Variants in TNKS observed in about 807,000 individuals in gnomAD.
TNKS encodes the protein tankyrase, also known as poly [ADP-ribose] polymerase tankyrase-1.
In TNKS, 72 loss-of-function variants were observed where a neutral mutation model predicts 135.8. The observed-to-expected ratio is 0.53, with a 90% CI of 0.44 to 0.64. The LOEUF (loss-of-function observed/expected upper bound fraction) is 0.64. Ranked by LOEUF, TNKS falls within the 30% of genes least tolerant of loss-of-function variation. The pLI is 0.00. For synonymous variants in TNKS, 849 were observed against 649.3 expected (o/e 1.31, Z -4.68); for missense variants, 1,769 against 1,674.0 (o/e 1.06, Z -0.99).
At chr8:9,683,972 A>AT (rs764309211) in intron 5 of TNKS, among the ~76,000 whole-genome samples, 11 of 151,444 alleles carry the variant, frequency 7.3e-5, no homozygotes, top group East Asian at 1.9e-4. Flanking sequence ...TAAAAGCAGA[A>AT]TTTTTTTTTG....
chr8:9,735,623 A>G (rs904119534), intron 17 of TNKS, 137 bp downstream of exon 17: 5 of 650,896 alleles, frequency 7.7e-6, no homozygotes, highest in East Asian at 5.4e-5. Context: ...ACACGGTGAA[A>G]CCCCGTCTCT....
chr8:9,651,187 G>A (rs954877667), intron 3 of TNKS, among the ~76,000 whole-genome samples: 4 of 152,088 alleles, frequency 2.6e-5, no homozygotes, highest in Non-Finnish European at 4.4e-5. Flanking sequence ...TTTATTTGGA[G>A]TAGTACAAAA....
chr8:9,741,568 A>G (rs1256131095), intron 17 of TNKS: 2 of 293,474 alleles, frequency 6.8e-6, no homozygotes, highest in Non-Finnish European at 1.6e-5. Context: ...GTTCTACTGC[A>G]TTAGTCTTCA....
intron 2 of TNKS, among the ~76,000 whole-genome samples, chr8:9,603,607 C>G (rs1799104207): frequency 6.6e-6 from 1 of 152,154 alleles, no homozygotes; most frequent in South Asian, 2.1e-4. Flanking sequence ...GTTCTTAAAT[C>G]TCTATTTTAG....
At chr8:9,617,960 A>C (rs570764062) in intron 3 of TNKS, among the ~76,000 whole-genome samples, 64 of 150,374 alleles carry the variant, frequency 4.3e-4, no homozygotes, top group African/African-American at 1.5e-3. Context: ...AAAGGCAATT[A>C]ATAAAGTGAC....
intron 1 of TNKS, among the ~76,000 whole-genome samples, chr8:9,570,082 A>C (rs1797699355): frequency 6.6e-6 from 1 of 152,140 alleles, no homozygotes; most frequent in Non-Finnish European, 1.5e-5. Context: ...ATATATTAAG[A>C]GGTAAATATT....
chr8:9,621,840 T>C (rs1449540447), intron 3 of TNKS, among the ~76,000 whole-genome samples: 1 of 152,134 alleles, frequency 6.6e-6, no homozygotes, highest in Non-Finnish European at 1.5e-5. Context: ...TTAAGAAAAG[T>C]TGTATATTTA....
intron 3 of TNKS, among the ~76,000 whole-genome samples, chr8:9,675,980 A>G (rs1802515158): frequency 6.6e-6 from 1 of 151,490 alleles, no homozygotes; most frequent in South Asian, 2.1e-4. Context: ...GATACCATGC[A>G]TAATGGTTGA....
intron 23 of TNKS, 88 bp downstream of exon 23, chr8:9,764,878 A>G: frequency 9.6e-7 from 1 of 1,043,196 alleles, no homozygotes; most frequent in Non-Finnish European, 1.4e-6. Context: ...TTATTAAGTC[A>G]TATTTTCAAA....
intron 12 of TNKS, among the ~76,000 whole-genome samples, chr8:9,724,314 A>G (rs1275898125): frequency 2.6e-5 from 4 of 152,072 alleles, no homozygotes; most frequent in Non-Finnish European, 4.4e-5. Flanking sequence ...TTAGCCGGGT[A>G]TGGTGGTGCA....
intron 3 of TNKS, among the ~76,000 whole-genome samples, chr8:9,673,360 A>G (rs1483493559): frequency 1.3e-5 from 2 of 152,036 alleles, no homozygotes; most frequent in Non-Finnish European, 2.9e-5. Flanking sequence ...AAAATAATAT[A>G]TAAATTTTAT....
intron 3 of TNKS, among the ~76,000 whole-genome samples, chr8:9,647,147 C>G (rs1233146394): frequency 6.6e-6 from 1 of 152,184 alleles, no homozygotes. Context: ...AAAGCAACAA[C>G]CCGCAAACAC....
chr8:9,672,365 G>A (rs904828505), intron 3 of TNKS, among the ~76,000 whole-genome samples: 5 of 152,086 alleles, frequency 3.3e-5, no homozygotes, highest in South Asian at 4.2e-4. Context: ...AACACCCCCC[G>A]TGGAGACTGG....
intron 5 of TNKS, among the ~76,000 whole-genome samples, chr8:9,687,614 T>A (rs1803067021): frequency 6.6e-6 from 1 of 152,168 alleles, no homozygotes; most frequent in African/African-American, 2.4e-5. Flanking sequence ...GAAATGAATT[T>A]TTAGTAGAAG....
Position 9,761,644 on chromosome 8 carries a change from A to G in TNKS, c.3274+8A>G. 6.3e-6 allele frequency: 10 copies of G among 1,580,574 alleles called. No individual in the cohort carries two copies. Among genetic ancestry groups the G allele is most frequent in the Non-Finnish European group, 8.5e-6 (10 of 1,171,444 alleles). ...TCTTAGGTGGACAACAAGGTAAGCT[A>G]TTCAGAAAAAAAAAAAAATTTCAGA... On this transcript the variant is annotated splice_region_variant and intron_variant, in intron 21 of 26. Coordinates refer to ENST00000310430, the MANE Select transcript of TNKS (RefSeq NM_003747.3).
chr8:9,575,442 A>T, intron 1 of TNKS: 1 of 984,660 alleles, frequency 1.0e-6, no homozygotes, highest in Non-Finnish European at 1.2e-6. Flanking sequence ...CTTATTCTAA[A>T]GTTATACTAA....
chr8:9,770,141 C>T lies in TNKS; in HGVS notation c.3776C>T (p.Ser1259Phe). Residue 1259 changes from serine (S) to phenylalanine (F), a missense_variant, in exon 26 of 27, where the codon TCC becomes TTC. Transcript: ENST00000310430. ...TTCTGTAGAGTGACCCTTGGGAAAT[C>T]CTTTCTGCAGTTTAGCACCATGAAA... ...MLFCRVTLGK[S>F]FLQFSTMKMA... is the part of the protein sequence containing the mutation. 1.2e-6 allele frequency: 2 copies of T among 1,613,210 alleles called. No individual in the cohort carries two copies. Among genetic ancestry groups the T allele is most frequent in the Non-Finnish European group, 1.7e-6 (2 of 1,179,862 alleles).
At chr8:9,765,387 TA>T (rs951538416) in intron 23 of TNKS, among the ~76,000 whole-genome samples, 1 of 152,128 alleles carries the variant, frequency 6.6e-6, no homozygotes, top group East Asian at 1.9e-4. Context: ...CCCCATCTCC[TA>T]AAATGTATTA....
At chr8:9,577,806 C>T (rs1229845487) in intron 1 of TNKS, among the ~76,000 whole-genome samples, 1 of 152,134 alleles carries the variant, frequency 6.6e-6, no homozygotes, top group Non-Finnish European at 1.5e-5. Context: ...CCGATAGTCC[C>T]CAATAGTCTC....
Sources: allele counts gnomAD v4.1 joint callset (sites outside exome capture counted in the v4.1 genomes callset), GRCh38; gene constraint gnomAD v4.1.1; transcripts MANE v1.5; gene names NCBI Gene and HGNC (gene_info 2026-07-23, HGNC 2026-07-21).